Variants in ZNF680 observed in about 807,000 individuals in gnomAD.
ZNF680 encodes hypothetical protein FLJ90430.
A neutral mutation model predicts 12.1 loss-of-function variants in ZNF680; 6 were observed. That is an observed-to-expected ratio of 0.49 (90% CI 0.27 to 0.98). ZNF680 has a LOEUF of 0.98. ZNF680 is among the 50% of genes least tolerant of loss of function. The probability of loss-of-function intolerance (pLI) is 0.12; values close to 1 mark genes in which losing one functional copy is unlikely to be tolerated. For synonymous variants in ZNF680, 170 were observed against 199.3 expected, an observed-to-expected ratio of 0.85 and a Z score of 1.24; for missense variants, 561 against 616.3, an observed-to-expected ratio of 0.91 and a Z score of 0.95.
At chr7:64,553,750 T>C (rs1787215385) in intron 1 of ZNF680, among the ~76,000 whole-genome samples, 1 of 151,040 alleles carries the variant, frequency 6.6e-6, no homozygotes, top group African/African-American at 2.4e-5. Flanking sequence ...CACGCCAGAC[T>C]GGTTTTCGCA....
At chr7:64,541,537 C>G (rs1448608284) in intron 3 of ZNF680, among the ~76,000 whole-genome samples, 1 of 152,134 alleles carries the variant, frequency 6.6e-6, no homozygotes, top group East Asian at 1.9e-4. Context: ...AAACCCATCT[C>G]AAAAATAAGT....
At chr7:64,544,948 A>G (rs1432118730) in intron 1 of ZNF680, among the ~76,000 whole-genome samples, 2 of 152,170 alleles carry the variant, frequency 1.3e-5, no homozygotes, top group Non-Finnish European at 2.9e-5. Flanking sequence ...TATTTTGTCA[A>G]ACATCCACTA....
Position 64,522,057 on chromosome 7 carries a change from T to C in ZNF680, c.697A>G (p.Met233Val). Residue 233 changes from methionine to valine, a missense_variant, in exon 4 of 4, where the codon ATG (methionine) becomes GTG (valine). Transcript: ENST00000309683. ...TCACATTTGTAGGGTTTCTCTCCCA[T>C]ATGAATTCCCTTATGTTTAATAAGC... Reference protein sequence around the residue: ...SELIKHKGIHMGEKPYKCEEC... With the variant: ...SELIKHKGIHVGEKPYKCEEC... 1 of 1,613,142 alleles carries C rather than the reference T, an allele frequency of 6.2e-7. No homozygotes were observed. The highest frequency in any genetic ancestry group is 8.5e-7 in the Non-Finnish European group (1 of 1,179,582).
chr7:64,537,939 AC>A (rs1316444193), intron 3 of ZNF680, among the ~76,000 whole-genome samples: 1 of 152,134 alleles, frequency 6.6e-6, no homozygotes, highest in Non-Finnish European at 1.5e-5. Context: ...CCAAAAAAAA[AC>A]AAAAAAACAA....
chr7:64,512,136 C>T, the ZNF680 span, among the ~76,000 whole-genome samples: 1 of 149,758 alleles, frequency 6.7e-6, no homozygotes, highest in African/African-American at 2.4e-5. Flanking sequence ...TTTTTCTCTT[C>T]ATAAATCTTT....
chr7:64,534,266 T>C (rs1305908199), intron 3 of ZNF680, among the ~76,000 whole-genome samples: 3 of 152,094 alleles, frequency 2.0e-5, no homozygotes, highest in Non-Finnish European at 4.4e-5. Context: ...AATTTATACA[T>C]CTGACAAAGG....
the ZNF680 span, among the ~76,000 whole-genome samples, chr7:64,506,045 T>C: frequency 1.3e-5 from 2 of 151,974 alleles, no homozygotes; most frequent in African/African-American, 4.8e-5. Flanking sequence ...GTGACCTAAT[T>C]TTATGAGTAA....
rs910188091 is a variant in ZNF680, at chr7:64,539,098, T to G, written c.253+4609A>C. Among the ~76,000 whole-genome samples the G allele has an allele frequency of 3.6e-4, 48 of 133,352 alleles. 1 individual carries two copies. The highest frequency in any genetic ancestry group is 4.6e-4 in the Non-Finnish European group (30 of 65,682). 87.5% of individuals were successfully genotyped at this position (133,352 alleles called of 152,430 possible). On this transcript the variant is annotated intron_variant, in intron 3 of 3. Transcript: ENST00000309683. ...GTGAGCCAAGATTGTGCCATTGCAC[T>G]CTAGCCTGGGAGGCAGAGCAAGACT...
chr7:64,508,918 C>T, the ZNF680 span, among the ~76,000 whole-genome samples: 1 of 152,138 alleles, frequency 6.6e-6, no homozygotes, highest in Non-Finnish European at 1.5e-5. Flanking sequence ...TTTTGTGATT[C>T]CTTGAGATAG....
chr7:64,559,654 A>C (rs1787621241), intron 1 of ZNF680, among the ~76,000 whole-genome samples: 1 of 151,638 alleles, frequency 6.6e-6, no homozygotes, highest in African/African-American at 2.4e-5. Flanking sequence ...CTAATTTTTT[A>C]TATTTCTGGT....
intron 3 of ZNF680, among the ~76,000 whole-genome samples, chr7:64,534,863 G>A (rs1052395614): frequency 6.6e-6 from 1 of 152,124 alleles, no homozygotes; most frequent in African/African-American, 2.4e-5. Context: ...GCAGTGACCT[G>A]GATGAGATTG....
intron 1 of ZNF680, among the ~76,000 whole-genome samples, chr7:64,545,048 C>T (rs557091676): frequency 3.3e-5 from 5 of 152,116 alleles, no homozygotes; most frequent in Admixed American, 1.3e-4. Flanking sequence ...CACCTGAGGT[C>T]ACGAGTTCGA....
At chr7:64,531,173 T>C (rs1785853231) in intron 3 of ZNF680, among the ~76,000 whole-genome samples, 1 of 152,088 alleles carries the variant, frequency 6.6e-6, no homozygotes, top group African/African-American at 2.4e-5. Context: ...AACCGCAGAA[T>C]ACACATTCTA....
At chr7:64,559,522 C>A (rs1584415429) in intron 1 of ZNF680, among the ~76,000 whole-genome samples, 1 of 151,980 alleles carries the variant, frequency 6.6e-6, no homozygotes, top group South Asian at 2.1e-4. Context: ...GCCCTGTCAC[C>A]CAGGCTGGAG....
At chr7:64,524,157 T>C (rs1288686427) in intron 3 of ZNF680, among the ~76,000 whole-genome samples, 1 of 151,330 alleles carries the variant, frequency 6.6e-6, no homozygotes, top group East Asian at 1.9e-4. Context: ...ATTTTTTTTT[T>C]TTTTTTTGAG....
chr7:64,526,623 G>A (rs187153859), intron 3 of ZNF680: 2 of 330,178 alleles, frequency 6.1e-6, no homozygotes, highest in Non-Finnish European at 1.1e-5. Context: ...GCTATTAAAT[G>A]TAAATATACA....
In ZNF680 at chr7:64,521,067, C is replaced by A; in HGVS notation, c.*94G>T. The A allele has an allele frequency of 1.5e-6, 2 of 1,325,686 alleles. No individual in the cohort carries two copies. Among genetic ancestry groups the A allele is most frequent in the South Asian group, 1.5e-5 (1 of 67,534 alleles). 82.1% of individuals were successfully genotyped at this position (1,325,686 alleles called of 1,614,324 possible). A position where few individuals can be genotyped will look rare whatever the true frequency, so the allele number is the denominator to read the frequency against. On this transcript the variant is annotated 3_prime_UTR_variant, in exon 4 of 4. Transcript: ENST00000309683. ...TCTCCAATATAAATTATCTTACCTA[C>A]AAGCAAGTGTAACAATCATTGGAAG...
chr7:64,562,231 C>CA (rs534069066), intron 1 of ZNF680, among the ~76,000 whole-genome samples: 967 of 92,432 alleles, frequency 0.01, 4 homozygotes, highest in East Asian at 0.056. Context: ...GACTCCGTTT[C>CA]AAAAAAAAAA....
chr7:64,559,921 T>C (rs1787637706), intron 1 of ZNF680, among the ~76,000 whole-genome samples: 1 of 152,136 alleles, frequency 6.6e-6, no homozygotes, highest in Non-Finnish European at 1.5e-5. Context: ...TGGAAACACT[T>C]CTAGGAGGTA....
Sources: allele counts gnomAD v4.1 joint callset (sites outside exome capture counted in the v4.1 genomes callset), GRCh38; gene constraint gnomAD v4.1.1; transcripts MANE v1.5; gene names NCBI Gene and HGNC (gene_info 2026-07-23, HGNC 2026-07-21).